The following TYW1 variants were observed in gnomAD, a reference collection of about 807,000 sequenced individuals.
The protein encoded by TYW1 is tRNA-yW synthesizing protein 1 homolog, also known as S-adenosyl-L-methionine-dependent tRNA 4-demethylwyosine synthase TYW1.
Under a neutral mutation model 96.2 loss-of-function variants are expected in TYW1, and 46 were observed. The observed-to-expected ratio is 0.48, with a 90% CI of 0.38 to 0.61. The LOEUF (loss-of-function observed/expected upper bound fraction) is 0.61. TYW1 is among the 20% of genes least tolerant of loss of function. The pLI, the probability that TYW1 is intolerant of heterozygous loss-of-function variation, is 0.00. For synonymous variants in TYW1, 274 were observed against 323.0 expected, an observed-to-expected ratio of 0.85 and a Z score of 1.63; for missense variants, 684 against 909.6, an observed-to-expected ratio of 0.75 and a Z score of 3.19.
At chr7:67,157,477 GGTTCCACTATATT>G (rs1799019732) in intron 13 of TYW1, among the ~76,000 whole-genome samples, 1 of 152,052 alleles carries the variant, frequency 6.6e-6, no homozygotes, top group Admixed American at 6.6e-5. Context: ...GTAGAGATGG[GGTTCCACTATATT>G]GGCCAGGCTG....
At chr7:67,224,941 A>G (rs1269784846) in intron 15 of TYW1, among the ~76,000 whole-genome samples, 1 of 152,218 alleles carries the variant, frequency 6.6e-6, no homozygotes, top group Non-Finnish European at 1.5e-5. Flanking sequence ...CTGTAATCCC[A>G]GCACTTTGAG....
chr7:67,073,629 C>A (rs1796106072), intron 10 of TYW1, among the ~76,000 whole-genome samples: 1 of 151,522 alleles, frequency 6.6e-6, no homozygotes, highest in African/African-American at 2.4e-5. Flanking sequence ...AAAAAATTAG[C>A]TGGGCGTGGT....
chr7:67,075,033 C>T lies in TYW1; in HGVS notation c.1274+7630C>T, dbSNP rs563498424. ...AACTGGGATTACAGGCGTGAGCCAC[C>T]GGGCCTGACCAATGACTGTGTTTTT... On this transcript the variant is annotated intron_variant, in intron 10 of 15. Transcript: ENST00000359626. 1.2e-3 allele frequency among the ~76,000 whole-genome samples: 179 copies of T among 152,168 alleles called. 1 individual carries two copies. The highest frequency in any genetic ancestry group is 9.6e-4 in the East Asian group (5 of 5,188).
At chr7:67,114,864 C>T (rs948906309) in intron 12 of TYW1, among the ~76,000 whole-genome samples, 1 of 152,116 alleles carries the variant, frequency 6.6e-6, no homozygotes. Context: ...CTCTGTAATT[C>T]CTGGGGACCT....
chr7:67,008,650 C>G (rs1184294798), intron 3 of TYW1, among the ~76,000 whole-genome samples: 1 of 152,094 alleles, frequency 6.6e-6, no homozygotes, highest in Non-Finnish European at 1.5e-5. Flanking sequence ...TTTCACTCTT[C>G]ACTCTTTCTT....
Position 67,204,599 on chromosome 7 carries a change from C to CT in TYW1, c.1977+9273dup, listed in dbSNP as rs61194637. On this transcript the variant is annotated intron_variant, in intron 15 of 15. Transcript: ENST00000359626. Reference sequence around the variant, plus strand: ...CTTCCTTCTTTCTTCTTCTTCTTTTCTTTTTTTTTTTGAGAGAGAGAATCT... The same window carrying CT: ...CTTCCTTCTTTCTTCTTCTTCTTTTCTTTTTTTTTTTTGAGAGAGAGAATCT... 2.4e-3 allele frequency among the ~76,000 whole-genome samples: 318 copies of CT among 132,990 alleles called. 2 individuals are homozygous for CT. Among genetic ancestry groups the CT allele is most frequent in the Non-Finnish European group, 3.8e-3 (239 of 62,134 alleles). 87.2% of individuals were successfully genotyped at this position (132,990 alleles called of 152,430 possible).
At chr7:67,154,144 G>C (rs1469716008) in intron 13 of TYW1, among the ~76,000 whole-genome samples, 2 of 151,962 alleles carry the variant, frequency 1.3e-5, no homozygotes, top group Admixed American at 1.3e-4. Context: ...GGATGGTCTT[G>C]ATCTCCTGAC....
intron 10 of TYW1, among the ~76,000 whole-genome samples, chr7:67,070,419 G>A (rs1405380825): frequency 2.0e-5 from 3 of 151,912 alleles, no homozygotes; most frequent in African/African-American, 7.3e-5. Context: ...GTGTCCTAAG[G>A]CTCTGTTCAA....
chr7:67,150,327 C>T (rs1382443192), intron 13 of TYW1, among the ~76,000 whole-genome samples: 1 of 152,084 alleles, frequency 6.6e-6, no homozygotes, highest in Non-Finnish European at 1.5e-5. Context: ...AACCTACCAC[C>T]TTTGGTGTCA....
intron 15 of TYW1, among the ~76,000 whole-genome samples, chr7:67,235,577 A>G (rs1215415261): frequency 1.3e-5 from 2 of 152,046 alleles, no homozygotes; most frequent in Non-Finnish European, 2.9e-5. Context: ...GATTCTTTGT[A>G]TGGTCTTCTA....
chr7:67,048,351 G>A (rs1360653766), intron 7 of TYW1, among the ~76,000 whole-genome samples: 1 of 150,738 alleles, frequency 6.6e-6, no homozygotes, highest in Non-Finnish European at 1.5e-5. Context: ...AAATAGACAG[G>A]GACCAAGGGT....
chr7:67,175,129 G>C (rs1486987911), intron 13 of TYW1, among the ~76,000 whole-genome samples: 1 of 151,556 alleles, frequency 6.6e-6, no homozygotes, highest in Non-Finnish European at 1.5e-5. Flanking sequence ...CTATTCCAGA[G>C]AGGAATAGTA....
At chr7:67,002,925 C>T (rs1032481957) in intron 3 of TYW1, among the ~76,000 whole-genome samples, 6 of 150,794 alleles carry the variant, frequency 4.0e-5, no homozygotes, top group Non-Finnish European at 8.9e-5. Context: ...ATTGGCCTCC[C>T]AAAGTGCTGG....
In TYW1 at chr7:67,072,963, T is replaced by TTTTG. The variant is rs1219374462; in HGVS notation, c.1274+5561_1274+5562insTTGT. ...TTTTTTTTTTTTTTTTTTTTTTTTT[T>TTTTG]TATAGAGACAGGGTCTTGCTATGTT... On this transcript the variant is annotated intron_variant, in intron 10 of 15. Transcript: ENST00000359626. 7.1e-4 allele frequency among the ~76,000 whole-genome samples: 84 copies of TTTTG among 118,682 alleles called. 1 individual carries two copies. The highest frequency in any genetic ancestry group is 9.8e-4 in the Non-Finnish European group (56 of 56,858). The allele number at this position is 118,682 out of a possible 152,430, so 77.9% of individuals were successfully genotyped here.
intron 15 of TYW1, among the ~76,000 whole-genome samples, chr7:67,227,269 T>TTATTATTA (rs2116435218): frequency 6.6e-6 from 1 of 152,232 alleles, no homozygotes; most frequent in East Asian, 1.9e-4. Flanking sequence ...TATTATTATT[T>TTATTATTA]TTTTGAGATG....
Position 67,138,957 on chromosome 7 carries a change from C to T in TYW1, c.1698+21339C>T, listed in dbSNP as rs191257162. Among the ~76,000 whole-genome samples, 283 of 151,784 alleles carry T rather than the reference C, an allele frequency of 1.9e-3. 1 individual carries two copies. The highest frequency in any genetic ancestry group is 6.5e-3 in the African/African-American group (270 of 41,330). On this transcript the variant is annotated intron_variant, in intron 13 of 15. Transcript: ENST00000359626. ...AAACATGGGAATGCAGATGTCTCTT[C>T]CATGTTCGATATACTGATCTGAAAA...
intron 4 of TYW1, among the ~76,000 whole-genome samples, chr7:67,013,049 T>C (rs926270795): frequency 2.0e-5 from 3 of 152,090 alleles, no homozygotes; most frequent in African/African-American, 7.2e-5. Context: ...TACTTTATGT[T>C]TAAAACTTTT....
chr7:67,008,914 G>T (rs1294542823), intron 3 of TYW1, among the ~76,000 whole-genome samples: 1 of 152,082 alleles, frequency 6.6e-6, no homozygotes, highest in African/African-American at 2.4e-5. Flanking sequence ...CAACTGCATC[G>T]GCCTCCCAAG....
intron 13 of TYW1, among the ~76,000 whole-genome samples, chr7:67,120,087 T>G (rs1797716231): frequency 6.7e-6 from 1 of 148,226 alleles, no homozygotes; most frequent in African/African-American, 2.5e-5. Context: ...TTTCTTCTTT[T>G]TTTTCTTTTT....
Sources: allele counts gnomAD v4.1 joint callset (sites outside exome capture counted in the v4.1 genomes callset), GRCh38; gene constraint gnomAD v4.1.1; transcripts MANE v1.5; gene names NCBI Gene and HGNC (gene_info 2026-07-23, HGNC 2026-07-21).